The following TTC39B variants were observed in gnomAD, a reference collection of about 807,000 sequenced individuals.
TTC39B encodes the protein tetratricopeptide repeat protein 39B.
A neutral mutation model predicts 96.6 loss-of-function variants in TTC39B; 92 were observed. The observed-to-expected ratio is 0.95, with a 90% CI of 0.80 to 1.13. TTC39B has a LOEUF of 1.13. Ranked by LOEUF, TTC39B falls within the 50% of genes most tolerant of loss-of-function variation. The pLI is 0.00. For missense variants in TTC39B, 955 were observed against 809.3 expected, an observed-to-expected ratio of 1.18 and a Z score of -2.18; for synonymous variants, 367 against 299.4, an observed-to-expected ratio of 1.23 and a Z score of -2.33.
At chr9:15,281,349 G>C (rs1435952878) in intron 1 of TTC39B, among the ~76,000 whole-genome samples, 1 of 152,094 alleles carries the variant, frequency 6.6e-6, no homozygotes, top group East Asian at 1.9e-4. Flanking sequence ...TTCACAGTAA[G>C]TACGAAATAA....
At chr9:15,264,077 G>A (rs965036331) in intron 2 of TTC39B, among the ~76,000 whole-genome samples, 17 of 152,132 alleles carry the variant, frequency 1.1e-4, no homozygotes, top group African/African-American at 1.2e-4. Context: ...GGGAGAATGC[G>A]TGGTCATTAG....
intron 15 of TTC39B, 41 bp from the exon 16 acceptor site, chr9:15,185,447 C>T (rs1362160162): frequency 1.4e-5 from 22 of 1,608,842 alleles, no homozygotes; most frequent in Non-Finnish European, 1.7e-5. Flanking sequence ...AAGGTCATGG[C>T]AACACATACA....
At chr9:15,189,265 C>T (rs559033043) in intron 13 of TTC39B, among the ~76,000 whole-genome samples, 7 of 152,234 alleles carry the variant, frequency 4.6e-5, no homozygotes, top group Non-Finnish European at 1.0e-4. Context: ...GTGTGTAATG[C>T]AGAAATTGGT....
chr9:15,295,924 G>T (rs943907002), intron 1 of TTC39B, among the ~76,000 whole-genome samples: 16 of 152,142 alleles, frequency 1.1e-4, no homozygotes, highest in African/African-American at 3.9e-4. Flanking sequence ...GAGGATTTTG[G>T]AGTCAGGCCT....
chr9:15,294,456 G>A (rs115811985), intron 1 of TTC39B, among the ~76,000 whole-genome samples: 2 of 152,180 alleles, frequency 1.3e-5, no homozygotes, highest in African/African-American at 4.8e-5. Flanking sequence ...GAAAACAAAG[G>A]TTACAACACC....
At chr9:15,175,868 A>G (rs921478442) in intron 18 of TTC39B, among the ~76,000 whole-genome samples, 8 of 152,226 alleles carry the variant, frequency 5.3e-5, no homozygotes, top group Non-Finnish European at 1.0e-4. Flanking sequence ...TGAGACCTCT[A>G]TTTAAAGCTG....
exon 20 of TTC39B, chr9:15,166,741 G>A (rs1373787047): frequency 9.9e-5 from 15 of 151,682 alleles, no homozygotes; most frequent in Admixed American, 9.9e-4. Flanking sequence ...CTGGACTCGG[G>A]GAGGAAGGAC....
At chr9:15,171,144 G>T (rs1374580690) in exon 20 of TTC39B, 1 of 152,138 alleles carries the variant, frequency 6.6e-6, no homozygotes, top group Non-Finnish European at 1.5e-5. Context: ...AGACATCACA[G>T]TGCTAGAGAG....
In TTC39B at chr9:15,190,677, T is replaced by C. The variant is rs541860799; in HGVS notation, c.997-15A>G. 41 of 1,601,428 alleles carry C rather than the reference T, an allele frequency of 2.6e-5. No individual in the cohort carries two copies. The East Asian group carries it at 8.7e-4, about 34-fold the overall frequency. On this transcript the variant is annotated splice_polypyrimidine_tract_variant and intron_variant, in intron 10 of 19. Transcript: ENST00000512701. ...AGGCCCAACTCCTATGGGAATTAAA[T>C]GCATTTTTAGAAAGAGAACAAGACT...
At chr9:15,277,558 C>T (rs971247813) in intron 1 of TTC39B, among the ~76,000 whole-genome samples, 16 of 151,976 alleles carry the variant, frequency 1.1e-4, no homozygotes, top group African/African-American at 3.6e-4. Context: ...GAGACCTTGG[C>T]CAACACAGTG....
intron 4 of TTC39B, 110 bp from the exon 5 acceptor site, chr9:15,211,507 C>T (rs564180374): frequency 2.7e-5 from 27 of 992,364 alleles, no homozygotes; most frequent in Middle Eastern, 2.5e-4. Flanking sequence ...ATTCCTTCAC[C>T]ATAATCACTG....
At chr9:15,288,266 C>T (rs2131597312) in intron 1 of TTC39B, among the ~76,000 whole-genome samples, 1 of 152,226 alleles carries the variant, frequency 6.6e-6, no homozygotes, top group Non-Finnish European at 1.5e-5. Context: ...GCCTGGAAAC[C>T]CGCAGCCCTA....
exon 20 of TTC39B, chr9:15,168,498 T>C (rs2800584): frequency 0.8 from 119,732 of 150,424 alleles, 48,108 homozygotes; most frequent in East Asian, 0.96. Context: ...GCCACAAAGA[T>C]CTTTTTAAAA....
chr9:15,303,382 T>TC (rs1038810524), intron 1 of TTC39B, among the ~76,000 whole-genome samples: 4 of 151,746 alleles, frequency 2.6e-5, no homozygotes, highest in Non-Finnish European at 5.9e-5. Context: ...AAAGTGATTT[T>TC]TTTTTTTTTT....
At chr9:15,305,864 T>C (rs936185481) in intron 1 of TTC39B, among the ~76,000 whole-genome samples, 2 of 151,948 alleles carry the variant, frequency 1.3e-5, no homozygotes, top group African/African-American at 4.8e-5. Context: ...GCAAATCTCC[T>C]ACAAACAGAT....
At chr9:15,171,939 T>C in exon 20 of TTC39B, 1 of 1,090,990 alleles carries the variant, frequency 9.2e-7, no homozygotes, top group East Asian at 2.5e-5. Context: ...CACAAGATCA[T>C]TTTTCCACTT....
chr9:15,258,610 A>G (rs987509342), intron 2 of TTC39B, among the ~76,000 whole-genome samples: 1 of 152,218 alleles, frequency 6.6e-6, no homozygotes, highest in Non-Finnish European at 1.5e-5. Context: ...GTGTAAGAGC[A>G]AAGTCCTGGC....
chr9:15,191,140 A>G (rs753382586), intron 10 of TTC39B, 50 bp downstream of exon 10: 2 of 1,356,986 alleles, frequency 1.5e-6, no homozygotes, highest in Non-Finnish European at 1.0e-6. Context: ...ATGTTCAATA[A>G]ATACTGTCTT....
At chr9:15,172,937 G>C (rs570994138) in intron 19 of TTC39B, among the ~76,000 whole-genome samples, 79 of 152,242 alleles carry the variant, frequency 5.2e-4, no homozygotes, top group African/African-American at 1.6e-3. Flanking sequence ...AGATGGAATT[G>C]AGTATTTTCC....
Sources: gnomAD v4.1 joint callset for allele counts (sites outside exome capture counted in the v4.1 genomes callset) on GRCh38, gnomAD v4.1.1 for gene constraint, MANE v1.5 for transcripts, NCBI Gene and HGNC (gene_info 2026-07-23, HGNC 2026-07-21) for gene names.